The following ADGRG4 variants were observed in gnomAD, a reference collection of about 807,000 sequenced individuals.
The protein encoded by ADGRG4 is adhesion G protein-coupled receptor G4, also known as G protein-coupled receptor 112.
A neutral mutation model predicts 126.2 loss-of-function variants in ADGRG4; 122 were observed. That is an observed-to-expected ratio of 0.97 (90% CI 0.83 to 1.12). ADGRG4 has a LOEUF of 1.12. Ranked by LOEUF, ADGRG4 falls within the 50% of genes most tolerant of loss-of-function variation. The probability of loss-of-function intolerance (pLI) is 0.00; values close to 1 mark genes in which losing one functional copy is unlikely to be tolerated. For synonymous variants in ADGRG4, 943 were observed against 838.7 expected (o/e 1.12, Z -2.15); for missense variants, 2,481 against 2,251.8 (o/e 1.10, Z -2.06).
At chrX:136,393,310 G>A (rs761344664) in intron 17 of ADGRG4, among the ~76,000 whole-genome samples, 2 of 111,891 alleles carry the variant, frequency 1.8e-5, no homozygotes, top group African/African-American at 6.5e-5. Context: ...TCACCAGCCG[G>A]TGACATGCTG....
chrX:136,371,222 T>C (rs1281569055), intron 13 of ADGRG4, 106 bp from the exon 14 acceptor site: 1 of 458,724 alleles, frequency 2.2e-6, no homozygotes, highest in Non-Finnish European at 3.6e-6. Context: ...ATTACCTTGG[T>C]AGGTGTTCTC....
At chrX:136,361,395 T>C (rs1052100984) in intron 11 of ADGRG4, 60 bp from the exon 12 acceptor site, 1 of 607,509 alleles carries the variant, frequency 1.6e-6, no homozygotes, top group Non-Finnish European at 2.3e-6. Context: ...TAATAATGGA[T>C]GTTTGTAATA....
Position 136,308,800 on chromosome X carries a change from A to G in ADGRG4, c.23A>G (p.Gln8Arg). 2 of 1,174,124 alleles carry G rather than the reference A, an allele frequency of 1.7e-6. No homozygotes were observed. Among genetic ancestry groups the G allele is most frequent in the Non-Finnish European group, 2.3e-6 (2 of 862,206 alleles). MKEHIIY[Q>R]KLYGLILMSS... ...ACAATGAAAGAACACATCATATATC[A>G]GAAGCTTTATGGATTGATTCTCATG... The change falls in exon 4 of 26, where the codon CAG (glutamine) becomes CGG (arginine). Residue 8 changes from glutamine to arginine, a missense_variant. By Grantham distance (43) the Gln-to-Arg change is conservative. Transcript: ENST00000394143.
intron 15 of ADGRG4, among the ~76,000 whole-genome samples, chrX:136,386,570 G>A (rs1384455483): frequency 8.9e-6 from 1 of 112,010 alleles, no homozygotes; most frequent in Non-Finnish European, 1.9e-5. Flanking sequence ...GGCCAAAATT[G>A]CATATATCTT....
At chrX:136,382,699 C>T (rs909128215) in intron 15 of ADGRG4, among the ~76,000 whole-genome samples, 1 of 111,691 alleles carries the variant, frequency 9.0e-6, no homozygotes, top group African/African-American at 3.3e-5. Flanking sequence ...GCATACCTTA[C>T]CTCCGTTGTA....
chrX:136,354,265 G>A (rs1393839666), intron 8 of ADGRG4, among the ~76,000 whole-genome samples: 4 of 111,543 alleles, frequency 3.6e-5, no homozygotes, highest in Non-Finnish European at 5.7e-5. Flanking sequence ...TATAGACTAG[G>A]TGGCTTAAGC....
At chrX:136,404,145 T>C (rs767595904) in intron 22 of ADGRG4, among the ~76,000 whole-genome samples, 4 of 111,919 alleles carry the variant, frequency 3.6e-5, no homozygotes, top group Non-Finnish European at 7.5e-5. Context: ...ACAGTTTCCA[T>C]GGGGTCAAAA....
intron 4 of ADGRG4, among the ~76,000 whole-genome samples, chrX:136,318,123 C>A (rs1368519315): frequency 1.8e-5 from 2 of 112,028 alleles, no homozygotes; most frequent in South Asian, 7.4e-4. Context: ...TCATAATAGC[C>A]AAAAGAGAGA....
At chrX:136,303,378 G>A (rs1164237111) in intron 1 of ADGRG4, among the ~76,000 whole-genome samples, 1 of 111,639 alleles carries the variant, frequency 9.0e-6, no homozygotes, top group African/African-American at 3.3e-5. Context: ...GCTTGAGCCT[G>A]GGAGGTGGAG....
intron 23 of ADGRG4, among the ~76,000 whole-genome samples, chrX:136,410,875 A>G (rs1263389168): frequency 1.8e-5 from 2 of 112,176 alleles, no homozygotes; most frequent in Admixed American, 9.5e-5. Flanking sequence ...AAGAAACAAA[A>G]TGTTATGAGA....
chrX:136,358,837 A>G (rs1465119675), intron 10 of ADGRG4, among the ~76,000 whole-genome samples: 1 of 112,285 alleles, frequency 8.9e-6, no homozygotes, highest in Non-Finnish European at 1.9e-5. Flanking sequence ...ATTACTTATT[A>G]TAGAAATGAG....
chrX:136,329,671 ATTTT>A (rs375937070), intron 5 of ADGRG4, among the ~76,000 whole-genome samples: 1 of 93,784 alleles, frequency 1.1e-5, no homozygotes, highest in Non-Finnish European at 2.1e-5. Context: ...TTTGCATTTG[ATTTT>A]TTTTTTTTTT....
Position 136,348,102 on chromosome X carries a change from T to A in ADGRG4, c.4396T>A (p.Leu1466Met). The A allele has an allele frequency of 8.3e-7, 1 of 1,210,522 alleles. No individual in the cohort carries two copies. The highest frequency in any genetic ancestry group is 1.1e-6 in the Non-Finnish European group (1 of 894,364). The change falls in exon 6 of 26, where the codon TTG (leucine) becomes ATG (methionine). Residue 1466 changes from leucine (L) to methionine (M), a missense_variant. Physicochemically the swap from Leu to Met is conservative, Grantham distance 15. Coordinates refer to ENST00000394143, the MANE Select transcript of ADGRG4 (RefSeq NM_153834.4). ...AAGCACACAGACTTTCCCTGAGTCC[T>A]TGTCTCTTTCCACAGCTGGACTATA... ...SESTQTFPES[L>M]SLSTAGLYND...
At chrX:136,330,720 T>C (rs979551682) in intron 5 of ADGRG4, among the ~76,000 whole-genome samples, 10 of 111,546 alleles carry the variant, frequency 9.0e-5, no homozygotes, top group African/African-American at 3.3e-4. Context: ...TGGGTACATA[T>C]TAGGTGTACA....
intron 5 of ADGRG4, among the ~76,000 whole-genome samples, chrX:136,326,310 A>G (rs1418878304): frequency 8.9e-6 from 1 of 111,896 alleles, no homozygotes; most frequent in Non-Finnish European, 1.9e-5. Flanking sequence ...AGTTTCCATC[A>G]CATGCTAACA....
At chrX:136,355,475 T>G (rs2075087898) in intron 8 of ADGRG4, among the ~76,000 whole-genome samples, 1 of 111,650 alleles carries the variant, frequency 9.0e-6, no homozygotes, top group Admixed American at 9.5e-5. Flanking sequence ...CTGTGTCTAT[T>G]ATTTTTCCTT....
chrX:136,306,754 G>A (rs769453674), intron 3 of ADGRG4, among the ~76,000 whole-genome samples: 7 of 96,923 alleles, frequency 7.2e-5, no homozygotes, highest in East Asian at 3.2e-4. Flanking sequence ...TCGCTCTGTC[G>A]CCCTGGCTGG....
chrX:136,382,228 T>G (rs2075267623), intron 15 of ADGRG4, among the ~76,000 whole-genome samples: 1 of 111,553 alleles, frequency 9.0e-6, no homozygotes, highest in Non-Finnish European at 1.9e-5. Context: ...TTTGTACAAC[T>G]GGAAATGCAC....
chrX:136,328,949 C>G (rs2074891484), intron 5 of ADGRG4, among the ~76,000 whole-genome samples: 1 of 111,632 alleles, frequency 9.0e-6, no homozygotes, highest in African/African-American at 3.3e-5. Flanking sequence ...ATGACATTCT[C>G]CTATAGACTC....
Sources: gnomAD v4.1 joint callset for allele counts (sites outside exome capture counted in the v4.1 genomes callset) on GRCh38, gnomAD v4.1.1 for gene constraint, MANE v1.5 for transcripts, NCBI Gene and HGNC (gene_info 2026-07-23, HGNC 2026-07-21) for gene names.